Variants in SYT1 observed in about 807,000 individuals in gnomAD.
The protein encoded by SYT1 is synaptotagmin-1.
In SYT1, 8 loss-of-function variants were observed where a neutral mutation model predicts 44.8. The ratio of observed to expected loss-of-function variants is 0.18; its 90% CI spans 0.10 to 0.32. The LOEUF (loss-of-function observed/expected upper bound fraction) is 0.32. Among genes scored for constraint, SYT1 ranks in the 10% least tolerant of loss-of-function variants. SYT1 has a pLI of 1.00. For missense variants in SYT1, 286 were observed against 509.3 expected, an observed-to-expected ratio of 0.56 and a Z score of 4.22; for synonymous variants, 154 against 188.8, an observed-to-expected ratio of 0.82 and a Z score of 1.51.
intron 4 of SYT1, among the ~76,000 whole-genome samples, chr12:79,276,277 C>T (rs1878714942): frequency 6.6e-6 from 1 of 151,922 alleles, no homozygotes; most frequent in South Asian, 2.1e-4. Flanking sequence ...TTTCTCAGTG[C>T]AATCCAAGAG....
intron 1 of SYT1, among the ~76,000 whole-genome samples, chr12:78,876,894 A>ATATTATATG (rs1874190584): frequency 3.2e-5 from 1 of 31,320 alleles, no homozygotes; most frequent in Non-Finnish European, 5.1e-5. Context: ...TATATAATAT[A>ATATTATATG]TATTATATAT....
chr12:79,027,249 T>G (rs2137653985), intron 2 of SYT1, among the ~76,000 whole-genome samples: 1 of 151,606 alleles, frequency 6.6e-6, no homozygotes, highest in Non-Finnish European at 1.5e-5. Flanking sequence ...ACCCCTTTGC[T>G]GACCGCCTAC....
chr12:79,321,553 G>A (rs893494985), intron 8 of SYT1, among the ~76,000 whole-genome samples: 1 of 152,174 alleles, frequency 6.6e-6, no homozygotes, highest in Non-Finnish European at 1.5e-5. Flanking sequence ...GAAGGAAATG[G>A]TTTATCCCAG....
intron 3 of SYT1, among the ~76,000 whole-genome samples, chr12:79,126,435 A>T (rs188114492): frequency 2.0e-5 from 3 of 152,138 alleles, no homozygotes; most frequent in Admixed American, 1.3e-4. Context: ...TAATTTTTGT[A>T]TTTTTAGTAG....
chr12:79,249,390 C>T (rs1389700260), intron 4 of SYT1, among the ~76,000 whole-genome samples: 1 of 152,048 alleles, frequency 6.6e-6, no homozygotes, highest in Non-Finnish European at 1.5e-5. Context: ...AGGCTTGAGC[C>T]ACCGCGCCCG....
chr12:79,188,797 C>G (rs2138440623), intron 3 of SYT1, among the ~76,000 whole-genome samples: 1 of 152,198 alleles, frequency 6.6e-6, no homozygotes, highest in Admixed American at 6.6e-5. Context: ...GAATTAATCA[C>G]TAATGGCTGA....
intron 2 of SYT1, among the ~76,000 whole-genome samples, chr12:79,014,653 C>T (rs528862912): frequency 7.9e-5 from 12 of 152,212 alleles, no homozygotes; most frequent in East Asian, 1.9e-4. Context: ...GTCAGTGTGG[C>T]GATTCCTCAG....
intron 1 of SYT1, among the ~76,000 whole-genome samples, chr12:78,966,238 T>C (rs1879766781): frequency 6.6e-6 from 1 of 152,026 alleles, no homozygotes; most frequent in African/African-American, 2.4e-5. Context: ...TTTGTAATCA[T>C]TTATTTGTTT....
At chr12:79,141,967 G>C (rs1388048727) in intron 3 of SYT1, among the ~76,000 whole-genome samples, 2 of 152,214 alleles carry the variant, frequency 1.3e-5, no homozygotes, top group Non-Finnish European at 2.9e-5. Flanking sequence ...AGCAATTTGA[G>C]ATGCAGAATT....
intron 3 of SYT1, among the ~76,000 whole-genome samples, chr12:79,159,032 A>C (rs1346814968): frequency 1.3e-5 from 2 of 152,204 alleles, no homozygotes; most frequent in Non-Finnish European, 2.9e-5. Flanking sequence ...ATGGCATTTA[A>C]AGTATGTCAG....
intron 3 of SYT1, among the ~76,000 whole-genome samples, chr12:79,093,871 T>G (rs1337355820): frequency 6.6e-6 from 1 of 151,726 alleles, no homozygotes; most frequent in Non-Finnish European, 1.5e-5. Context: ...AATCTTATTT[T>G]CCAGTGAAAA....
chr12:79,252,319 GATT>G (rs1185449723), intron 4 of SYT1, among the ~76,000 whole-genome samples: 1 of 152,102 alleles, frequency 6.6e-6, no homozygotes, highest in East Asian at 1.9e-4. Flanking sequence ...TAATTTTAAG[GATT>G]ATTATCATCA....
At chr12:79,181,970 T>C (rs1189143447) in intron 3 of SYT1, among the ~76,000 whole-genome samples, 3 of 152,072 alleles carry the variant, frequency 2.0e-5, no homozygotes, top group Non-Finnish European at 1.5e-5. Flanking sequence ...CCGTTTTAAT[T>C]TATAATGTTT....
intron 3 of SYT1, among the ~76,000 whole-genome samples, chr12:79,181,096 A>T (rs143050274): frequency 6.6e-6 from 1 of 152,200 alleles, no homozygotes; most frequent in African/African-American, 2.4e-5. Flanking sequence ...GCCCTGCAGA[A>T]CTGCGAGTCA....
intron 8 of SYT1, among the ~76,000 whole-genome samples, chr12:79,347,667 C>T (rs1183341507): frequency 1.3e-5 from 2 of 152,164 alleles, no homozygotes; most frequent in Non-Finnish European, 2.9e-5. Context: ...TGTAAGAAAG[C>T]TGCATGTTCT....
At chr12:79,212,854 A>G (rs1874544026) in intron 3 of SYT1, among the ~76,000 whole-genome samples, 1 of 152,206 alleles carries the variant, frequency 6.6e-6, no homozygotes, top group Admixed American at 6.5e-5. Flanking sequence ...TGTAGGACCA[A>G]TCACTTAATC....
intron 4 of SYT1, among the ~76,000 whole-genome samples, chr12:79,224,535 C>G (rs1287352969): frequency 6.6e-6 from 1 of 151,882 alleles, no homozygotes; most frequent in Non-Finnish European, 1.5e-5. Context: ...CCTGGAAGAG[C>G]AAGAAGCCCA....
At chr12:79,267,992 C>T (rs536098716) in intron 4 of SYT1, among the ~76,000 whole-genome samples, 6 of 152,276 alleles carry the variant, frequency 3.9e-5, no homozygotes, top group East Asian at 1.9e-4. Flanking sequence ...GCAGATAAAA[C>T]GTCCTTCATT....
At chr12:78,965,939 C>T (rs1486198966) in intron 1 of SYT1, among the ~76,000 whole-genome samples, 7 of 151,684 alleles carry the variant, frequency 4.6e-5, no homozygotes, top group Admixed American at 1.3e-4. Flanking sequence ...TAGCCGGGCA[C>T]GGTGGCAGGC....
Sources: gnomAD v4.1 joint callset for allele counts (sites outside exome capture counted in the v4.1 genomes callset) on GRCh38, gnomAD v4.1.1 for gene constraint, MANE v1.5 for transcripts, NCBI Gene and HGNC (gene_info 2026-07-23, HGNC 2026-07-21) for gene names.